Variants in SCIN observed in about 807,000 individuals in gnomAD.
SCIN encodes the protein adseverin.
In SCIN, 91 loss-of-function variants were observed where a neutral mutation model predicts 91.8. That is an observed-to-expected ratio of 0.99 (90% CI 0.84 to 1.18). The LOEUF is 1.18. Ranked by LOEUF, SCIN falls within the 50% of genes most tolerant of loss-of-function variation. SCIN has a pLI of 0.00. For missense variants in SCIN, 1,087 were observed against 863.9 expected (o/e 1.26, Z -3.24); for synonymous variants, 367 against 312.6 (o/e 1.17, Z -1.84).
chr7:12,573,808 T>G (rs571687651), intron 1 of SCIN, among the ~76,000 whole-genome samples: 1 of 152,152 alleles, frequency 6.6e-6, no homozygotes, highest in Non-Finnish European at 1.5e-5. Context: ...CAGTATACAT[T>G]TATGTTATAA....
At chr7:12,628,158 G>C (rs1325054078) in intron 8 of SCIN, among the ~76,000 whole-genome samples, 1 of 152,000 alleles carries the variant, frequency 6.6e-6, no homozygotes, top group African/African-American at 2.4e-5. Flanking sequence ...CCAAGTTGGA[G>C]GGTGTTTAAT....
chr7:12,600,336 T>A (rs368570684), intron 3 of SCIN, among the ~76,000 whole-genome samples: 3 of 152,070 alleles, frequency 2.0e-5, no homozygotes, highest in Non-Finnish European at 4.4e-5. Flanking sequence ...TACATTGACA[T>A]TGGGGACTCA....
At chr7:12,594,445 C>A (rs1262102743) in intron 3 of SCIN, among the ~76,000 whole-genome samples, 2 of 152,080 alleles carry the variant, frequency 1.3e-5, no homozygotes, top group South Asian at 2.1e-4. Context: ...GAATCTCAGA[C>A]CATTTCTCAT....
chr7:12,576,043 A>T (rs1343105312), intron 1 of SCIN, among the ~76,000 whole-genome samples: 7 of 152,234 alleles, frequency 4.6e-5, no homozygotes, highest in Non-Finnish European at 1.0e-4. Flanking sequence ...CTGTCCATTT[A>T]CATCTACCTA....
chr7:12,605,447 G>C (rs1203228386), intron 4 of SCIN, among the ~76,000 whole-genome samples: 2 of 152,070 alleles, frequency 1.3e-5, no homozygotes, highest in Non-Finnish European at 2.9e-5. Context: ...GACCAGAAGT[G>C]TTTCAGATTT....
chr7:12,616,671 GAAAT>G (rs2115264368), intron 4 of SCIN, among the ~76,000 whole-genome samples: 1 of 152,136 alleles, frequency 6.6e-6, no homozygotes, highest in East Asian at 1.9e-4. Context: ...AGACACGCAA[GAAAT>G]AAACCTTACA....
In SCIN at chr7:12,578,148, A is replaced by G. The variant is rs1205403568; in HGVS notation, c.284A>G (p.Gln95Arg). Residue 95 changes from glutamine to arginine, a missense_variant, in exon 2 of 16, where the codon CAG becomes CGG. Physicochemically the swap from Gln to Arg is conservative, Grantham distance 43. Transcript: ENST00000297029. ...GACTATTTGGGTGGCAAGCCAGTGC[A>G]GAATAGAGAACTTCAAGGATATGAG... ...MDDYLGGKPV[Q>R]NRELQGYESN... 11 of 1,551,484 alleles carry G rather than the reference A, an allele frequency of 7.1e-6. No individual in the cohort carries two copies. Among genetic ancestry groups the G allele is most frequent in the Non-Finnish European group, 7.8e-6 (9 of 1,146,820 alleles).
At chr7:12,624,534 T>G (rs996415754) in intron 5 of SCIN, among the ~76,000 whole-genome samples, 1 of 152,208 alleles carries the variant, frequency 6.6e-6, no homozygotes, top group African/African-American at 2.4e-5. Context: ...AGACAGTAAA[T>G]GTTGACTGAG....
chr7:12,628,773 T>C (rs1053955275), intron 8 of SCIN, among the ~76,000 whole-genome samples: 6 of 152,168 alleles, frequency 3.9e-5, no homozygotes, highest in Admixed American at 1.3e-4. Context: ...AAAATAGATA[T>C]ATATTTCTGA....
intron 5 of SCIN, among the ~76,000 whole-genome samples, chr7:12,623,162 G>C (rs1026536852): frequency 2.0e-5 from 3 of 152,098 alleles, no homozygotes; most frequent in African/African-American, 4.8e-5. Flanking sequence ...AGTTTGCAAC[G>C]ATCTTTTGAT....
At chr7:12,576,335 A>C (rs1782370801) in intron 1 of SCIN, among the ~76,000 whole-genome samples, 1 of 149,826 alleles carries the variant, frequency 6.7e-6, no homozygotes, top group Non-Finnish European at 1.5e-5. Context: ...TATCACGTCA[A>C]GTAATCTTCT....
At chr7:12,601,398 A>G (rs1274390395) in intron 3 of SCIN, among the ~76,000 whole-genome samples, 3 of 152,124 alleles carry the variant, frequency 2.0e-5, no homozygotes, top group African/African-American at 4.8e-5. Context: ...TAATTTATTT[A>G]CTCTTTTGAA....
chr7:12,570,948 G>A lies in SCIN; in HGVS notation c.162G>A (p.Thr54=), dbSNP rs929868125. The part of the protein sequence containing the change: ...DAYLVLHTAK[T]SRGFTYHLHF... ...ACCTGGTGCTGCACACGGCCAAGAC[G>A]AGCCGAGGCTTCACCTACCACCTGC... The change falls in exon 1 of 16, where the codon ACG becomes ACA. Residue 54 remains threonine (T), a synonymous_variant. Transcript: ENST00000297029. 5 of 1,551,414 alleles carry A rather than the reference G, an allele frequency of 3.2e-6. No homozygotes were observed. The highest frequency in any genetic ancestry group is 4.4e-6 in the Non-Finnish European group (5 of 1,146,900).
At chr7:12,617,118 G>C (rs1234322199) in intron 4 of SCIN, among the ~76,000 whole-genome samples, 3 of 152,068 alleles carry the variant, frequency 2.0e-5, no homozygotes, top group Non-Finnish European at 4.4e-5. Context: ...ATTATGCAAA[G>C]GATTAGTCCA....
Position 12,651,140 on chromosome 7 carries a change from T to A in SCIN, c.1960-701T>A, listed in dbSNP as rs1035265790. Reference sequence around the variant, plus strand: ...TTGATGCTTTTCTACCATTTTGAAGTTACAGAAAGAATGGGGGATTGCAGG... The same window carrying A: ...TTGATGCTTTTCTACCATTTTGAAGATACAGAAAGAATGGGGGATTGCAGG... On this transcript the variant is annotated intron_variant, in intron 14 of 15. Transcript: ENST00000297029. The surrounding 1 kb of genome is among the most constrained non-coding windows in gnomAD (Gnocchi z 5.9). Among the ~76,000 whole-genome samples the A allele has an allele frequency of 2.0e-5, 3 of 152,126 alleles. No homozygotes were observed. The highest frequency in any genetic ancestry group is 7.2e-5 in the African/African-American group (3 of 41,412).
rs764170146 is a variant in SCIN, at chr7:12,626,703, A to G, written c.1101A>G (p.Gln367=). 5.6e-6 allele frequency: 9 copies of G among 1,597,520 alleles called. No homozygotes were observed. The highest frequency in any genetic ancestry group is 2.7e-5 in the African/African-American group (2 of 74,644). Residue 367 remains glutamine (Q), a synonymous_variant, in exon 8 of 16, where the codon CAA becomes CAG. Transcript: ENST00000297029. ...GKVYVTEKVA[Q]IKQIPFDASK... ...TTTATGTCACAGAGAAAGTGGCTCA[A>G]ATAAAACAAATTCCCTTTGATGCCT...
intron 4 of SCIN, among the ~76,000 whole-genome samples, chr7:12,613,204 TA>T (rs913101439): frequency 1.3e-5 from 2 of 151,964 alleles, no homozygotes; most frequent in South Asian, 2.1e-4. Flanking sequence ...ATAATATATT[TA>T]AAAAAAACTA....
chr7:12,576,447 C>T (rs530273678), intron 1 of SCIN, among the ~76,000 whole-genome samples: 1 of 151,368 alleles, frequency 6.6e-6, no homozygotes, highest in Admixed American at 6.6e-5. Flanking sequence ...GTAAGGAAAT[C>T]TGATTCTTTC....
intron 3 of SCIN, among the ~76,000 whole-genome samples, chr7:12,601,713 T>C (rs1782961882): frequency 6.6e-6 from 1 of 152,240 alleles, no homozygotes; most frequent in African/African-American, 2.4e-5. Flanking sequence ...TTTCTGCATA[T>C]GCATGCCCTC....
Sources: gnomAD v4.1 joint callset for allele counts (sites outside exome capture counted in the v4.1 genomes callset) on GRCh38, gnomAD v4.1.1 for gene constraint, Gnocchi (gnomAD v3.1) non-coding constraint, MANE v1.5 for transcripts, NCBI Gene and HGNC (gene_info 2026-07-23, HGNC 2026-07-21) for gene names.